The following CLTCL1 variants were observed in gnomAD, a reference collection of about 807,000 sequenced individuals.
CLTCL1 encodes clathrin heavy chain like 1.
A neutral mutation model predicts 190.0 loss-of-function variants in CLTCL1; 159 were observed. The ratio of observed to expected loss-of-function variants is 0.84; its 90% CI spans 0.74 to 0.95. The LOEUF (loss-of-function observed/expected upper bound fraction) is 0.95, where lower values mean the gene tolerates loss of function less well. Among genes scored for constraint, CLTCL1 ranks in the 40% least tolerant of loss-of-function variants. The probability of loss-of-function intolerance (pLI) is 0.00; values close to 1 mark genes in which losing one functional copy is unlikely to be tolerated. For synonymous variants in CLTCL1, 752 were observed against 769.6 expected, an observed-to-expected ratio of 0.98 and a Z score of 0.38; for missense variants, 1,878 against 2,033.4, an observed-to-expected ratio of 0.92 and a Z score of 1.47.
chr22:19,285,194 GAAC>G (rs1379647489), intron 1 of CLTCL1, among the ~76,000 whole-genome samples: 4 of 151,886 alleles, frequency 2.6e-5, no homozygotes, highest in African/African-American at 9.7e-5. Context: ...AGAATGGCGT[GAAC>G]CCTGGAGGCA....
At chr22:19,276,921 C>T (rs2087534685) in intron 1 of CLTCL1, among the ~76,000 whole-genome samples, 1 of 152,110 alleles carries the variant, frequency 6.6e-6, no homozygotes, top group African/African-American at 2.4e-5. Flanking sequence ...ATCCGCCCTC[C>T]TTGGCCTCCC....
chr22:19,180,500 G>A (rs2084096854), intron 31 of CLTCL1, among the ~76,000 whole-genome samples: 1 of 152,188 alleles, frequency 6.6e-6, no homozygotes, highest in Non-Finnish European at 1.5e-5. Context: ...GTAGTTCACA[G>A]CTAGGCAGGC....
intron 5 of CLTCL1, among the ~76,000 whole-genome samples, chr22:19,237,649 T>C (rs2086121224): frequency 6.6e-6 from 1 of 152,228 alleles, no homozygotes; most frequent in Non-Finnish European, 1.5e-5. Context: ...CAACAGGGGA[T>C]TGTTTAAATG....
At chr22:19,182,938 G>T (rs1420235685) in intron 30 of CLTCL1, 5 of 202,872 alleles carry the variant, frequency 2.5e-5, no homozygotes, top group African/African-American at 1.2e-4. Context: ...GGATTCAGTG[G>T]ATCTGTGAAT....
chr22:19,274,345 C>A, intron 2 of CLTCL1, among the ~76,000 whole-genome samples: 1 of 152,108 alleles, frequency 6.6e-6, no homozygotes, highest in South Asian at 2.1e-4. Context: ...CAGAAAAGGG[C>A]GACACTGCAA....
intron 24 of CLTCL1, among the ~76,000 whole-genome samples, 155 bp downstream of exon 24, chr22:19,199,579 A>G (rs2084814680): frequency 6.6e-6 from 1 of 152,190 alleles, no homozygotes; most frequent in Non-Finnish European, 1.5e-5. Flanking sequence ...TTCATAAATG[A>G]CTGTCTAACA....
chr22:19,254,544 T>C (rs1336990936), intron 2 of CLTCL1, among the ~76,000 whole-genome samples: 1 of 152,216 alleles, frequency 6.6e-6, no homozygotes, highest in African/African-American at 2.4e-5. Context: ...CTTCTAGTTT[T>C]AAAATACTTT....
intron 20 of CLTCL1, 34 bp downstream of exon 20, chr22:19,210,292 G>A (rs1555945691): frequency 6.2e-7 from 1 of 1,601,008 alleles, no homozygotes; most frequent in Non-Finnish European, 8.5e-7. Flanking sequence ...GGCAGAAGGT[G>A]CTAGGTCCGA....
chr22:19,202,448 C>T (rs2084920958), intron 22 of CLTCL1, among the ~76,000 whole-genome samples: 1 of 151,560 alleles, frequency 6.6e-6, no homozygotes, highest in African/African-American at 2.4e-5. Context: ...CCGCCATCCA[C>T]GGCACCTCCC....
At chr22:19,291,527 G>C (rs548408849) in intron 1 of CLTCL1, 73 bp downstream of exon 1, 85 of 1,245,270 alleles carry the variant, frequency 6.8e-5, no homozygotes, top group Non-Finnish European at 8.2e-5. Context: ...CTGGGGGCGC[G>C]GGGTCAAGCC....
intron 26 of CLTCL1, 100 bp from the exon 27 acceptor site, chr22:19,191,535 T>C: frequency 7.1e-7 from 1 of 1,407,716 alleles, no homozygotes; most frequent in South Asian, 1.3e-5. Flanking sequence ...TACTGAGGCC[T>C]GCCATGACTA....
chr22:19,190,663 T>C (rs886171855), intron 27 of CLTCL1, among the ~76,000 whole-genome samples: 3 of 151,006 alleles, frequency 2.0e-5, no homozygotes, highest in Admixed American at 2.0e-4. Flanking sequence ...ATGACAAAAT[T>C]TGAAATATTG....
chr22:19,206,960 A>G (rs909517473), intron 22 of CLTCL1, among the ~76,000 whole-genome samples: 5 of 150,852 alleles, frequency 3.3e-5, no homozygotes, highest in South Asian at 2.1e-4. Context: ...TAAAAAAGGA[A>G]TGTTTTCTTC....
At chr22:19,230,084 A>C in intron 10 of CLTCL1, 109 bp from the exon 11 acceptor site, 9 of 796,422 alleles carry the variant, frequency 1.1e-5, no homozygotes, top group Non-Finnish European at 1.4e-5. Flanking sequence ...TTCAGCAATT[A>C]GTTCCCTCCC....
chr22:19,239,031 C>T (rs191336954), intron 5 of CLTCL1, among the ~76,000 whole-genome samples: 11 of 152,260 alleles, frequency 7.2e-5, no homozygotes, highest in Admixed American at 3.9e-4. Flanking sequence ...GAGCTGAGGA[C>T]TTTGATGTGT....
intron 3 of CLTCL1, among the ~76,000 whole-genome samples, chr22:19,246,152 C>T (rs567435575): frequency 2.0e-5 from 3 of 152,134 alleles, no homozygotes; most frequent in African/African-American, 4.8e-5. Context: ...CTCTGCCTCC[C>T]GGGTTCACGC....
At chr22:19,189,752 TCTTTA>T (rs1555930489) in intron 27 of CLTCL1, among the ~76,000 whole-genome samples, 1 of 152,232 alleles carries the variant, frequency 6.6e-6, no homozygotes, top group Admixed American at 6.5e-5. Flanking sequence ...TATACTGGTG[TCTTTA>T]CTTGTTTCCA....
chr22:19,233,174 C>A lies in CLTCL1; in HGVS notation c.1513G>T (p.Ala505Ser), dbSNP rs1382678519. ...TGQFQKIVLYAKKVGYTPDWI... is the reference protein window; with the variant it reads ...TGQFQKIVLYSKKVGYTPDWI... ...GGTTCAACACACGTTACCTTTTTGG[C>A]ATAGAGCACAATTTTCTGGAATTGG... The change falls in exon 9 of 33, where the codon GCC (alanine) becomes TCC (serine). Residue 505 changes from alanine (A) to serine (S), a missense_variant. Transcript: ENST00000427926. The A allele has an allele frequency of 1.9e-6, 3 of 1,612,616 alleles. No homozygotes were observed. The highest frequency in any genetic ancestry group is 1.7e-6 in the Non-Finnish European group (2 of 1,179,026).
chr22:19,185,326 CTTTT>C (rs58151537), intron 29 of CLTCL1, among the ~76,000 whole-genome samples: 1 of 143,882 alleles, frequency 7.0e-6, no homozygotes. Flanking sequence ...CGGCCACTTT[CTTTT>C]TTTTTTTTTT....
Sources: gnomAD v4.1 joint callset for allele counts (sites outside exome capture counted in the v4.1 genomes callset) on GRCh38, gnomAD v4.1.1 for gene constraint, MANE v1.5 for transcripts, NCBI Gene and HGNC (gene_info 2026-07-23, HGNC 2026-07-21) for gene names.